The following EYS variants were observed in gnomAD, a reference collection of about 807,000 sequenced individuals.
The protein encoded by EYS is EGF-like photoreceptor maintenance factor, also known as protein eyes shut homolog.
In EYS, 250 loss-of-function variants were observed where a neutral mutation model predicts 282.1. That is an observed-to-expected ratio of 0.89 (90% CI 0.80 to 0.98). EYS has a LOEUF of 0.98. Ranked by LOEUF, EYS falls within the 50% of genes least tolerant of loss-of-function variation. EYS has a pLI of 0.00. For missense variants in EYS, 4,016 were observed against 3,709.0 expected, an observed-to-expected ratio of 1.08 and a Z score of -2.15; for synonymous variants, 1,355 against 1,282.9, an observed-to-expected ratio of 1.06 and a Z score of -1.20.
At chr6:65,080,735 G>T (rs1158933937) in intron 12 of EYS, among the ~76,000 whole-genome samples, 1 of 151,952 alleles carries the variant, frequency 6.6e-6, no homozygotes, top group Non-Finnish European at 1.5e-5. Flanking sequence ...AAAAAGAAAT[G>T]AAAATGAAAA....
chr6:64,577,798 T>C (rs1461830060), intron 26 of EYS, among the ~76,000 whole-genome samples: 1 of 152,168 alleles, frequency 6.6e-6, no homozygotes, highest in East Asian at 1.9e-4. Context: ...AATAGAGCTG[T>C]TGTTAGAGAC....
intron 29 of EYS, among the ~76,000 whole-genome samples, chr6:64,321,856 A>C (rs900430631): frequency 9.2e-5 from 14 of 152,052 alleles, no homozygotes; most frequent in African/African-American, 3.4e-4. Flanking sequence ...GGACTTTAGC[A>C]ACTTAGTGAC....
rs75844321 is a variant in EYS at position 63,941,114 on chromosome 6, T to C, written c.7055+43269A>G. ...GACATTTGGGTTGGTTCCAAGTCTT[T>C]GCTATTGTGAATAGTGCCGCAATAA... On this transcript the variant is annotated intron_variant, in intron 35 of 42. Transcript: ENST00000503581. 2.0e-3 allele frequency among the ~76,000 whole-genome samples: 303 copies of C among 152,298 alleles called. 6 individuals are homozygous for C. In the East Asian group the frequency reaches 0.052, roughly 26 times the overall value.
intron 30 of EYS, among the ~76,000 whole-genome samples, chr6:64,301,524 AAC>A (rs1461234503): frequency 2.6e-5 from 4 of 152,152 alleles, no homozygotes; most frequent in African/African-American, 9.7e-5. Context: ...CCGGAACTAA[AAC>A]ACTTTCCCTA....
intron 27 of EYS, among the ~76,000 whole-genome samples, chr6:64,437,818 C>G (rs1774805312): frequency 1.3e-5 from 2 of 150,110 alleles, no homozygotes; most frequent in South Asian, 4.2e-4. Context: ...TATATTACTT[C>G]AGAAACATGA....
At chr6:64,569,191 C>T (rs895337601) in intron 26 of EYS, among the ~76,000 whole-genome samples, 5 of 151,850 alleles carry the variant, frequency 3.3e-5, no homozygotes, top group African/African-American at 1.2e-4. Context: ...ATAACAAATT[C>T]TTCAGAGCTA....
chr6:65,476,363 AT>A (rs1395176398), intron 5 of EYS, among the ~76,000 whole-genome samples: 2 of 152,120 alleles, frequency 1.3e-5, no homozygotes, highest in Non-Finnish European at 1.5e-5. Context: ...AAGGTATTAC[AT>A]TTTTCCCCAA....
At chr6:63,725,449 T>A (rs955707517) in intron 42 of EYS, among the ~76,000 whole-genome samples, 1 of 152,144 alleles carries the variant, frequency 6.6e-6, no homozygotes, top group African/African-American at 2.4e-5. Context: ...TAATTTTGAG[T>A]TTTATTAGCA....
At chr6:64,014,458 T>A (rs1464411192) in intron 33 of EYS, among the ~76,000 whole-genome samples, 1 of 152,156 alleles carries the variant, frequency 6.6e-6, no homozygotes, top group African/African-American at 2.4e-5. Flanking sequence ...TTACTGAGAT[T>A]TATGAAGAAA....
intron 2 of EYS, among the ~76,000 whole-genome samples, chr6:65,505,909 T>G (rs1414049241): frequency 6.6e-6 from 1 of 152,154 alleles, no homozygotes; most frequent in Non-Finnish European, 1.5e-5. Flanking sequence ...TGTTTTATAG[T>G]GCTGACTGGT....
intron 18 of EYS, among the ~76,000 whole-genome samples, chr6:64,900,550 C>A (rs1034881398): frequency 6.6e-6 from 1 of 152,050 alleles, no homozygotes; most frequent in African/African-American, 2.4e-5. Flanking sequence ...AACAAACAAT[C>A]CCATCAAAAA....
chr6:64,619,845 G>A (rs929873726), intron 23 of EYS, among the ~76,000 whole-genome samples: 1 of 151,944 alleles, frequency 6.6e-6, no homozygotes, highest in Non-Finnish European at 1.5e-5. Context: ...AGGTCCTTGG[G>A]AAACAGCCTG....
chr6:64,387,333 T>C (rs1288535832), intron 29 of EYS, among the ~76,000 whole-genome samples: 1 of 152,160 alleles, frequency 6.6e-6, no homozygotes, highest in Non-Finnish European at 1.5e-5. Flanking sequence ...CTTCTGCATG[T>C]TTATATTTAT....
At chr6:64,214,706 A>C (rs2150329607) in intron 31 of EYS, among the ~76,000 whole-genome samples, 1 of 152,186 alleles carries the variant, frequency 6.6e-6, no homozygotes, top group Non-Finnish European at 1.5e-5. Flanking sequence ...TATTATATAT[A>C]ATAAAGGCCC....
intron 26 of EYS, among the ~76,000 whole-genome samples, chr6:64,589,180 T>G (rs934882087): frequency 6.6e-6 from 1 of 152,058 alleles, no homozygotes; most frequent in Non-Finnish European, 1.5e-5. Context: ...ACATTTAAAT[T>G]TGTAATTAAT....
At chr6:64,174,555 G>A (rs1042549144) in intron 31 of EYS, among the ~76,000 whole-genome samples, 3 of 151,548 alleles carry the variant, frequency 2.0e-5, no homozygotes, top group African/African-American at 7.2e-5. Context: ...TTATTCATAT[G>A]TTAAGGTTAA....
intron 14 of EYS, among the ~76,000 whole-genome samples, chr6:64,996,324 A>G (rs1444317579): frequency 6.6e-6 from 1 of 152,144 alleles, no homozygotes; most frequent in Non-Finnish European, 1.5e-5. Flanking sequence ...TAGTCTAATC[A>G]ACTATACCCC....
intron 19 of EYS, among the ~76,000 whole-genome samples, chr6:64,838,253 A>G (rs1765449022): frequency 6.6e-6 from 1 of 151,910 alleles, no homozygotes; most frequent in African/African-American, 2.4e-5. Context: ...TCTTTTTAAA[A>G]TAACATTTAA....
chr6:64,609,219 A>G (rs751847342), intron 24 of EYS, among the ~76,000 whole-genome samples: 1 of 152,156 alleles, frequency 6.6e-6, no homozygotes. Flanking sequence ...TCCAGAAAAT[A>G]GTTTAAGAAA....
Sources: allele counts gnomAD v4.1 joint callset (sites outside exome capture counted in the v4.1 genomes callset), GRCh38; gene constraint gnomAD v4.1.1; transcripts MANE v1.5; gene names NCBI Gene and HGNC (gene_info 2026-07-23, HGNC 2026-07-21).